Variants in MEIKIN observed in about 807,000 individuals in gnomAD.
MEIKIN encodes meiotic kinetochore factor.
At chr5:131,826,546 C>T (rs1205965706) in intron 11 of MEIKIN, among the ~76,000 whole-genome samples, 1 of 152,096 alleles carries the variant, frequency 6.6e-6, no homozygotes, top group Non-Finnish European at 1.5e-5. Context: ...CAAGAGTAGC[C>T]ATGATTGATA....
intron 8 of MEIKIN, among the ~76,000 whole-genome samples, chr5:131,883,800 C>A (rs116307286): frequency 6.6e-6 from 1 of 152,182 alleles, no homozygotes; most frequent in African/African-American, 2.4e-5. Context: ...CAATGCCACA[C>A]CTCCTTCATC....
At chr5:131,817,678 C>T (rs1043791600) in intron 12 of MEIKIN, among the ~76,000 whole-genome samples, 2 of 151,724 alleles carry the variant, frequency 1.3e-5, no homozygotes, top group African/African-American at 4.8e-5. Flanking sequence ...TCTGGAGAAC[C>T]CTGACAAATA....
intron 5 of MEIKIN, among the ~76,000 whole-genome samples, chr5:131,927,968 A>AC (rs1356188912): frequency 1.3e-5 from 2 of 151,540 alleles, no homozygotes; most frequent in African/African-American, 4.9e-5. Context: ...ACACGGTGAA[A>AC]CCCCGTCTCT....
intron 11 of MEIKIN, 92 bp from the exon 12 acceptor site, chr5:131,818,955 G>A (rs1749423020): frequency 5.2e-6 from 2 of 387,304 alleles, no homozygotes; most frequent in South Asian, 2.8e-4. Flanking sequence ...CTTAATATCT[G>A]TATTTCTTAG....
chr5:131,897,152 G>A (rs1751066958), intron 8 of MEIKIN, among the ~76,000 whole-genome samples: 1 of 152,158 alleles, frequency 6.6e-6, no homozygotes, highest in Non-Finnish European at 1.5e-5. Flanking sequence ...AGCTTAGTTT[G>A]GCTGGATATG....
Position 131,879,020 on chromosome 5 carries a change from A to G in MEIKIN, c.732T>C (p.Ala244=), listed in dbSNP as rs570485109. ...SDNAACEILL[A]EKTCPSTPEK... ...CAGGGGTTGAAGGGCAAGTTTTCTC[A>G]GCAAGTAAAATCTCACAAGCTGCAT... Residue 244 remains alanine, a synonymous_variant, in exon 9 of 13, where the codon GCT becomes GCC. Coordinates refer to ENST00000442687, the MANE Select transcript of MEIKIN (RefSeq NM_001303622.2). 3 of 398,682 alleles carry G rather than the reference A, an allele frequency of 7.5e-6. No homozygotes were observed. Among genetic ancestry groups the G allele is most frequent in the African/African-American group, 2.1e-5 (1 of 48,740 alleles). The allele number at this position is 398,682 out of a possible 1,614,324, so 24.7% of individuals were successfully genotyped here.
chr5:131,859,509 T>C (rs1750247713), intron 9 of MEIKIN, among the ~76,000 whole-genome samples: 1 of 152,132 alleles, frequency 6.6e-6, no homozygotes, highest in African/African-American at 2.4e-5. Context: ...AAGTATAGCA[T>C]CTCTCCCACC....
chr5:131,869,695 G>A (rs555366962), intron 9 of MEIKIN, among the ~76,000 whole-genome samples: 129 of 152,318 alleles, frequency 8.5e-4, no homozygotes, highest in Non-Finnish European at 1.4e-3. Flanking sequence ...AGACCTGATG[G>A]CAGAACTCCT....
Position 131,945,627 on chromosome 5 carries a change from C to T in MEIKIN, c.-122G>A. 1 of 397,498 alleles carries T rather than the reference C, an allele frequency of 2.5e-6. No homozygotes were observed. The highest frequency in any genetic ancestry group is 4.4e-6 in the Non-Finnish European group (1 of 224,962). 24.6% of individuals were successfully genotyped at this position (397,498 alleles called of 1,614,324 possible). The stretch of plus-strand genomic sequence containing the variant: ...AGGCGAGGCCCGCGGAGCAGCCTCA[C>T]AGCAACTAATCGAGCGAAAGCAAAA... On this transcript the variant is annotated 5_prime_UTR_variant, in exon 1 of 13. It adds an upstream start codon to the 5' untranslated region. Coordinates refer to ENST00000442687, the MANE Select transcript of MEIKIN (RefSeq NM_001303622.2).
intron 4 of MEIKIN, among the ~76,000 whole-genome samples, chr5:131,941,007 T>C (rs1378330812): frequency 1.3e-5 from 2 of 152,104 alleles, no homozygotes; most frequent in Non-Finnish European, 2.9e-5. Flanking sequence ...TGAGTAATTA[T>C]CAGGGTTTTC....
chr5:131,848,635 G>A (rs1373277555), intron 11 of MEIKIN, among the ~76,000 whole-genome samples: 6 of 152,220 alleles, frequency 3.9e-5, no homozygotes, highest in Non-Finnish European at 7.4e-5. Context: ...AACTTTCCAA[G>A]AAGAGAAAGG....
Position 131,849,393 on chromosome 5 carries a change from T to C in MEIKIN, c.975+1871A>G, listed in dbSNP as rs540754572. Among the ~76,000 whole-genome samples the C allele has an allele frequency of 2.1e-5, 3 of 142,150 alleles. No homozygotes were observed. In the East Asian group the frequency reaches 6.3e-4, roughly 30 times the overall value. 93.3% of individuals were successfully genotyped at this position (142,150 alleles called of 152,430 possible). A position where few individuals can be genotyped will look rare whatever the true frequency, so the allele number is the denominator to read the frequency against. Reference sequence around the variant, plus strand: ...TTTATATATATAAAGAAACCTCTTTTCTTTATATATATAAAGAAACCTCTT... The same window carrying C: ...TTTATATATATAAAGAAACCTCTTTCCTTTATATATATAAAGAAACCTCTT... On this transcript the variant is annotated intron_variant, in intron 11 of 12. Transcript: ENST00000442687.
chr5:131,869,681 A>T (rs905126415), intron 9 of MEIKIN, among the ~76,000 whole-genome samples: 3 of 152,202 alleles, frequency 2.0e-5, no homozygotes, highest in Admixed American at 2.0e-4. Flanking sequence ...AACATTTACT[A>T]TGAAGACCTG....
chr5:131,843,191 A>AT (rs995540572), intron 11 of MEIKIN, among the ~76,000 whole-genome samples: 1 of 152,032 alleles, frequency 6.6e-6, no homozygotes, highest in African/African-American at 2.4e-5. Context: ...CCAGAAAACC[A>AT]TTTTTCCCTC....
At chr5:131,893,556 C>T (rs1007209750) in intron 8 of MEIKIN, among the ~76,000 whole-genome samples, 4 of 152,222 alleles carry the variant, frequency 2.6e-5, no homozygotes, top group East Asian at 1.9e-4. Flanking sequence ...GGCGATGCCT[C>T]GCCCTGCTTC....
chr5:131,889,027 G>A (rs558435301), intron 8 of MEIKIN, among the ~76,000 whole-genome samples: 23 of 152,282 alleles, frequency 1.5e-4, no homozygotes, highest in African/African-American at 5.5e-4. Context: ...TTGTAGATAA[G>A]TGGCATTATT....
chr5:131,831,103 G>T (rs1230121051), intron 11 of MEIKIN, among the ~76,000 whole-genome samples: 3 of 152,188 alleles, frequency 2.0e-5, no homozygotes, highest in Non-Finnish European at 2.9e-5. Context: ...TCGCCATATT[G>T]GCCAGGCTGG....
At chr5:131,938,266 A>G (rs1751815194) in intron 4 of MEIKIN, among the ~76,000 whole-genome samples, 1 of 149,734 alleles carries the variant, frequency 6.7e-6, no homozygotes, top group African/African-American at 2.5e-5. Flanking sequence ...TCCCAGGTTC[A>G]AGCAATTCTC....
At position 131,889,667 on chromosome 5, in the gene MEIKIN, T is replaced by C. The variant is rs557575022; in HGVS notation, c.704-10619A>G. ...TCATGTCATCTGCAAACAGGGACAA[T>C]TTGACTTCCTCTTTTCCTAATTGAA... On this transcript the variant is annotated intron_variant, in intron 8 of 12. Transcript: ENST00000442687. Among the ~76,000 whole-genome samples the C allele has an allele frequency of 5.3e-5, 8 of 152,356 alleles. No individual in the cohort carries two copies. The East Asian group carries it at 1.3e-3, about 26-fold the overall frequency.
Sources: allele counts gnomAD v4.1 joint callset (sites outside exome capture counted in the v4.1 genomes callset), GRCh38; gene constraint gnomAD v4.1.1; transcripts MANE v1.5; gene names NCBI Gene and HGNC (gene_info 2026-07-23, HGNC 2026-07-21).